Variants in ADAMTSL1 observed in about 807,000 individuals in gnomAD.
ADAMTSL1 encodes the protein ADAMTS like 1, also known as ADAMTS-like protein 1.
Under a neutral mutation model 201.8 loss-of-function variants are expected in ADAMTSL1, and 126 were observed. That is an observed-to-expected ratio of 0.62 (90% CI 0.54 to 0.72). The LOEUF (loss-of-function observed/expected upper bound fraction) is 0.72. Among genes scored for constraint, ADAMTSL1 ranks in the 30% least tolerant of loss-of-function variants. ADAMTSL1 has a pLI of 0.00. For synonymous variants in ADAMTSL1, 1,121 were observed against 903.4 expected (o/e 1.24, Z -4.32); for missense variants, 2,679 against 2,277.8 (o/e 1.18, Z -3.59).
intron 1 of ADAMTSL1, among the ~76,000 whole-genome samples, chr9:17,946,115 A>G (rs1361766502): frequency 3.4e-5 from 5 of 147,086 alleles, no homozygotes; most frequent in East Asian, 4.0e-4. Flanking sequence ...TGTGTGTACA[A>G]ACAGAATTGA....
intron 2 of ADAMTSL1, among the ~76,000 whole-genome samples, chr9:18,464,409 G>A (rs905752680): frequency 1.3e-5 from 2 of 152,142 alleles, no homozygotes; most frequent in African/African-American, 4.8e-5. Flanking sequence ...ATTGTACATT[G>A]TATTATATGA....
At chr9:18,290,280 G>T (rs1833196960) in intron 2 of ADAMTSL1, among the ~76,000 whole-genome samples, 1 of 90,284 alleles carries the variant, frequency 1.1e-5, no homozygotes, top group Non-Finnish European at 2.6e-5. Context: ...CAGGGGATTA[G>T]ATTTTTTTTT....
At chr9:18,570,688 G>T (rs1046694121) in intron 3 of ADAMTSL1, among the ~76,000 whole-genome samples, 2 of 152,104 alleles carry the variant, frequency 1.3e-5, no homozygotes, top group Admixed American at 1.3e-4. Context: ...ATTTTGCCAA[G>T]TACAAATAAA....
At chr9:18,736,507 C>T (rs1818507404) in intron 15 of ADAMTSL1, among the ~76,000 whole-genome samples, 1 of 152,152 alleles carries the variant, frequency 6.6e-6, no homozygotes, top group Admixed American at 6.5e-5. Context: ...TGAAGTGAAA[C>T]CACATGTGGG....
intron 23 of ADAMTSL1, among the ~76,000 whole-genome samples, chr9:18,863,658 C>T (rs1219524025): frequency 6.6e-6 from 1 of 152,294 alleles, no homozygotes; most frequent in East Asian, 1.9e-4. Flanking sequence ...CAGCCAGCTG[C>T]TTGGTGCCAG....
At chr9:17,934,307 A>G (rs1826915204) in intron 1 of ADAMTSL1, among the ~76,000 whole-genome samples, 1 of 152,192 alleles carries the variant, frequency 6.6e-6, no homozygotes, top group African/African-American at 2.4e-5. Context: ...TTCCTCTAGA[A>G]TTTCCAGTTT....
At chr9:17,946,950 C>A (rs1051467454) in intron 1 of ADAMTSL1, among the ~76,000 whole-genome samples, 2 of 151,896 alleles carry the variant, frequency 1.3e-5, no homozygotes, top group African/African-American at 2.4e-5. Context: ...AGATCAATAC[C>A]ATTATAGGAC....
At chr9:18,103,158 T>C (rs964469300) in intron 1 of ADAMTSL1, among the ~76,000 whole-genome samples, 1 of 152,198 alleles carries the variant, frequency 6.6e-6, no homozygotes, top group Non-Finnish European at 1.5e-5. Context: ...AAGAGATCTT[T>C]GGTGATATGT....
chr9:18,271,510 A>AT (rs1265909757), intron 2 of ADAMTSL1, among the ~76,000 whole-genome samples: 2 of 152,024 alleles, frequency 1.3e-5, no homozygotes, highest in Non-Finnish European at 2.9e-5. Flanking sequence ...TGAACTCATC[A>AT]TTTTTTATGG....
intron 9 of ADAMTSL1, among the ~76,000 whole-genome samples, chr9:18,671,841 T>G (rs576368354): frequency 2.6e-5 from 4 of 152,106 alleles, no homozygotes; most frequent in Admixed American, 1.3e-4. Context: ...ATCGAGACCA[T>G]CCTGGCTAAC....
intron 1 of ADAMTSL1, among the ~76,000 whole-genome samples, chr9:17,981,339 TTA>T (rs1298311346): frequency 6.6e-6 from 1 of 152,242 alleles, no homozygotes; most frequent in Non-Finnish European, 1.5e-5. Context: ...CAGTCACCTT[TTA>T]TGATTCCCTA....
At chr9:18,099,635 C>T (rs1256291805) in intron 1 of ADAMTSL1, among the ~76,000 whole-genome samples, 1 of 141,854 alleles carries the variant, frequency 7.0e-6, no homozygotes, top group East Asian at 2.0e-4. Flanking sequence ...TCTCTCTCTC[C>T]CTTTTTTTTT....
intron 2 of ADAMTSL1, among the ~76,000 whole-genome samples, chr9:18,290,312 T>G (rs1353161753): frequency 2.0e-5 from 3 of 147,650 alleles, no homozygotes; most frequent in Non-Finnish European, 3.0e-5. Context: ...TGCAGGGGTG[T>G]GGAGAAATTG....
At chr9:18,465,066 A>G (rs1820951759) in intron 2 of ADAMTSL1, among the ~76,000 whole-genome samples, 1 of 152,234 alleles carries the variant, frequency 6.6e-6, no homozygotes, top group South Asian at 2.1e-4. Flanking sequence ...TAAGCTACAT[A>G]AGCAAAATTA....
At chr9:18,620,318 A>AT (rs1365782579) in intron 4 of ADAMTSL1, among the ~76,000 whole-genome samples, 7 of 152,052 alleles carry the variant, frequency 4.6e-5, no homozygotes, top group Admixed American at 4.6e-4. Flanking sequence ...TTTGGGCACT[A>AT]TCTCCCTCTG....
intron 26 of ADAMTSL1, among the ~76,000 whole-genome samples, chr9:18,897,013 C>T (rs191917799): frequency 2.0e-5 from 3 of 152,288 alleles, no homozygotes; most frequent in East Asian, 3.9e-4. Flanking sequence ...GGGTAGCCAC[C>T]ATTTCTGTGC....
At chr9:18,611,074 T>G (rs536214125) in intron 4 of ADAMTSL1, among the ~76,000 whole-genome samples, 2 of 152,282 alleles carry the variant, frequency 1.3e-5, no homozygotes, top group Non-Finnish European at 1.5e-5. Context: ...CCAGCTGCTA[T>G]CCTGTCTTCT....
At chr9:18,141,580 C>G (rs1044263634) in intron 1 of ADAMTSL1, among the ~76,000 whole-genome samples, 1 of 152,212 alleles carries the variant, frequency 6.6e-6, no homozygotes, top group Admixed American at 6.5e-5. Context: ...CCTGCACAGC[C>G]TGGTGGTGGC....
intron 2 of ADAMTSL1, among the ~76,000 whole-genome samples, chr9:18,346,325 A>C (rs1385089878): frequency 6.8e-6 from 1 of 147,986 alleles, no homozygotes; most frequent in East Asian, 2.0e-4. Context: ...TATCAGTCTT[A>C]TCAGTGCCTT....
Sources: gnomAD v4.1 joint callset for allele counts (sites outside exome capture counted in the v4.1 genomes callset) on GRCh38, gnomAD v4.1.1 for gene constraint, MANE v1.5 for transcripts, NCBI Gene and HGNC (gene_info 2026-07-23, HGNC 2026-07-21) for gene names.